Variants in SMCHD1 observed in about 807,000 individuals in gnomAD.
SMCHD1 encodes structural maintenance of chromosomes flexible hinge domain containing 1.
A neutral mutation model predicts 254.7 loss-of-function variants in SMCHD1; 78 were observed. That is an observed-to-expected ratio of 0.31 (90% CI 0.26 to 0.37). The LOEUF is 0.37. Ranked by LOEUF, SMCHD1 falls within the 10% of genes least tolerant of loss-of-function variation. SMCHD1 has a pLI of 1.00. For missense variants in SMCHD1, 1,840 were observed against 2,408.1 expected (o/e 0.76, Z 4.94); for synonymous variants, 766 against 794.9 (o/e 0.96, Z 0.61).
At chr18:2,762,037 C>G in intron 35 of SMCHD1, 68 bp from the exon 36 acceptor site, 5 of 1,335,744 alleles carry the variant, frequency 3.7e-6, no homozygotes, top group Non-Finnish European at 5.2e-6. Flanking sequence ...ATTGTTATGT[C>G]TTCCCTTCCT....
At chr18:2,740,899 T>C (rs2075337594) in intron 28 of SMCHD1, 78 bp downstream of exon 28, 1 of 749,638 alleles carries the variant, frequency 1.3e-6, no homozygotes, top group East Asian at 2.8e-5. Flanking sequence ...GAAAAACTAG[T>C]ATAAGAAAAA....
At chr18:2,707,396 G>C in intron 15 of SMCHD1, 167 bp from the exon 16 acceptor site, 1 of 407,348 alleles carries the variant, frequency 2.5e-6, no homozygotes, top group East Asian at 3.8e-5. Context: ...CACAGGAATG[G>C]TTAGGGAGGA....
chr18:2,725,069 T>G (rs1241835506), intron 21 of SMCHD1, 74 bp downstream of exon 21: 1 of 945,304 alleles, frequency 1.1e-6, no homozygotes, highest in Non-Finnish European at 1.5e-6. Flanking sequence ...AAATTGTAAA[T>G]GAAAAGTGGA....
intron 28 of SMCHD1, among the ~76,000 whole-genome samples, chr18:2,742,708 T>C (rs1341847393): frequency 6.6e-6 from 1 of 152,156 alleles, no homozygotes; most frequent in Non-Finnish European, 1.5e-5. Context: ...ATCTCACTCT[T>C]TTGCCCAGGC....
intron 8 of SMCHD1, 132 bp from the exon 9 acceptor site, chr18:2,696,900 G>A (rs1197225296): frequency 4.3e-6 from 2 of 464,748 alleles, no homozygotes; most frequent in Admixed American, 8.4e-5. Context: ...CCATTAAATG[G>A]AATATGTATT....
At chr18:2,738,329 A>G (rs1186577426) in intron 25 of SMCHD1, 68 bp from the exon 26 acceptor site, 1 of 1,353,160 alleles carries the variant, frequency 7.4e-7, no homozygotes, top group Non-Finnish European at 9.9e-7. Context: ...TTTTAAGAGT[A>G]AGATAAGTGG....
At chr18:2,691,075 CTTTCT>C (rs2074168736) in intron 7 of SMCHD1, among the ~76,000 whole-genome samples, 1 of 150,948 alleles carries the variant, frequency 6.6e-6, no homozygotes, top group South Asian at 2.1e-4. Context: ...CAGGACATTA[CTTTCT>C]TTTCTTTGTT....
At chr18:2,788,432 G>A (rs1454839586) in intron 45 of SMCHD1, among the ~76,000 whole-genome samples, 4 of 152,020 alleles carry the variant, frequency 2.6e-5, no homozygotes, top group South Asian at 2.1e-4. Context: ...GTGTGTATTC[G>A]TTAGCACATT....
chr18:2,775,722 A>T lies in SMCHD1; in HGVS notation c.5176-12A>T. 1 of 1,582,644 alleles carries T rather than the reference A, an allele frequency of 6.3e-7. No homozygotes were observed. The highest frequency in any genetic ancestry group is 1.4e-5 in the African/African-American group (1 of 73,264). On this transcript the variant is annotated splice_polypyrimidine_tract_variant and intron_variant, in intron 41 of 47. Coordinates refer to ENST00000320876, the MANE Select transcript of SMCHD1 (RefSeq NM_015295.3). Reference sequence around the variant, plus strand: ...ATTTTATATTTTTTTACTTTATGAAAATGGGTTATAGATTGCACATCTAGC... The same window carrying T: ...ATTTTATATTTTTTTACTTTATGAATATGGGTTATAGATTGCACATCTAGC...
At chr18:2,716,643 C>G (rs961265827) in intron 17 of SMCHD1, among the ~76,000 whole-genome samples, 2 of 152,142 alleles carry the variant, frequency 1.3e-5, no homozygotes, top group South Asian at 2.1e-4. Flanking sequence ...TCTCAGGCCC[C>G]GAAGGAATGC....
intron 5 of SMCHD1, among the ~76,000 whole-genome samples, chr18:2,679,847 A>G (rs1311614395): frequency 1.3e-5 from 2 of 152,126 alleles, no homozygotes; most frequent in African/African-American, 4.8e-5. Context: ...TCTTATCCAT[A>G]TACTTGATGG....
chr18:2,793,348 G>A (rs1292165612), intron 45 of SMCHD1, among the ~76,000 whole-genome samples: 1 of 152,086 alleles, frequency 6.6e-6, no homozygotes, highest in Non-Finnish European at 1.5e-5. Context: ...TACAAAATAA[G>A]TATTATTTTA....
chr18:2,737,545 A>T (rs1305539670), intron 25 of SMCHD1, among the ~76,000 whole-genome samples: 5 of 150,730 alleles, frequency 3.3e-5, no homozygotes, highest in African/African-American at 9.8e-5. Flanking sequence ...ACATAGTGAG[A>T]CCACATCTCA....
chr18:2,801,566 A>C (rs2076362446), intron 47 of SMCHD1, among the ~76,000 whole-genome samples: 1 of 152,182 alleles, frequency 6.6e-6, no homozygotes, highest in Non-Finnish European at 1.5e-5. Context: ...AAAAATCTTA[A>C]CAGTATTGAA....
intron 5 of SMCHD1, among the ~76,000 whole-genome samples, chr18:2,679,527 T>TTTCAACAC (rs2073876251): frequency 6.7e-6 from 1 of 149,332 alleles, no homozygotes; most frequent in African/African-American, 2.4e-5. Flanking sequence ...GTCTTTTGTC[T>TTTCAACAC]TTCAACACTT....
chr18:2,780,283 T>G (rs2076136294), intron 44 of SMCHD1, among the ~76,000 whole-genome samples: 1 of 147,292 alleles, frequency 6.8e-6, no homozygotes, highest in Admixed American at 6.7e-5. Context: ...AATAAATTCA[T>G]CTTAGTTTAG....
intron 3 of SMCHD1, among the ~76,000 whole-genome samples, chr18:2,669,599 A>G (rs1340195530): frequency 2.0e-5 from 3 of 152,156 alleles, no homozygotes; most frequent in Non-Finnish European, 2.9e-5. Flanking sequence ...TCACTTGGTG[A>G]TCAGGTCCTA....
In SMCHD1 at chr18:2,784,572, A is replaced by G; in HGVS notation, c.5670A>G (p.Val1890=). 6.2e-7 allele frequency: 1 copy of G among 1,610,136 alleles called. No individual in the cohort carries two copies. ...APPMDKLRGM[V]FGAPVPKQCL... The stretch of plus-strand genomic sequence containing the variant: ...CAATGGATAAACTTCGGGGAATGGT[A>G]TTTGGAGCTCCAGTTCCAAAACAGT... The change falls in exon 45 of 48, where the codon GTA becomes GTG. Residue 1890 remains valine (V), a synonymous_variant. Coordinates refer to ENST00000320876, the MANE Select transcript of SMCHD1 (RefSeq NM_015295.3).
chr18:2,796,417 C>T lies in SMCHD1; in HGVS notation c.5889C>T (p.Pro1963=). The T allele has an allele frequency of 6.3e-7, 1 of 1,586,566 alleles. No individual in the cohort carries two copies. The highest frequency in any genetic ancestry group is 8.6e-7 in the Non-Finnish European group (1 of 1,164,894). The change falls in exon 47 of 48, where the codon CCC becomes CCT. Residue 1963 remains proline (P), a synonymous_variant. Transcript: ENST00000320876. ...KLIEEKLGMT[P]IRKCNDSLRH... is the part of the protein sequence containing the mutation. Reference sequence around the variant, plus strand: ...TTTCCATCTTCACAGGTATGACTCCCATACGTAAGTGTAATGACTCATTGC... The same window carrying T: ...TTTCCATCTTCACAGGTATGACTCCTATACGTAAGTGTAATGACTCATTGC...
Sources: gnomAD v4.1 joint callset for allele counts (sites outside exome capture counted in the v4.1 genomes callset) on GRCh38, gnomAD v4.1.1 for gene constraint, MANE v1.5 for transcripts, NCBI Gene and HGNC (gene_info 2026-07-23, HGNC 2026-07-21) for gene names.